AGO2: variants seen among roughly 807,000 people sequenced by gnomAD.
AGO2 encodes the protein protein argonaute-2.
Under a neutral mutation model 102.3 loss-of-function variants are expected in AGO2, and 5 were observed. The ratio of observed to expected loss-of-function variants is 0.05; its 90% confidence interval spans 0.03 to 0.10. The LOEUF is 0.10. Among genes scored for constraint, AGO2 ranks in the 10% least tolerant of loss-of-function variants. The pLI, the probability that AGO2 is intolerant of heterozygous loss-of-function variation, is 1.00. For missense variants in AGO2, 541 were observed against 1,183.7 expected (o/e 0.46, Z 7.97); for synonymous variants, 449 against 473.1 (o/e 0.95, Z 0.66).
chr8:140,631,591 G>C (rs2152111660), intron 1 of AGO2, among the ~76,000 whole-genome samples: 1 of 152,216 alleles, frequency 6.6e-6, no homozygotes, highest in Non-Finnish European at 1.5e-5. Flanking sequence ...CAAATGCAGG[G>C]AGAAGAGAGA....
At chr8:140,536,161 G>C (rs764157184) in intron 16 of AGO2, among the ~76,000 whole-genome samples, 1 of 152,150 alleles carries the variant, frequency 6.6e-6, no homozygotes, top group Non-Finnish European at 1.5e-5. Context: ...CACAAGCATG[G>C]ACCAAAAAGT....
intron 1 of AGO2, among the ~76,000 whole-genome samples, chr8:140,590,357 TG>T (rs1312398941): frequency 2.6e-5 from 4 of 152,196 alleles, no homozygotes; most frequent in Non-Finnish European, 5.9e-5. Context: ...CCTCGCACTT[TG>T]GGGGTCCCAG....
intron 1 of AGO2, among the ~76,000 whole-genome samples, chr8:140,611,693 A>G (rs1228421666): frequency 4.6e-5 from 7 of 151,764 alleles, no homozygotes; most frequent in Non-Finnish European, 8.8e-5. Flanking sequence ...ATACCCACAT[A>G]CCCCTAAGTG....
intron 2 of AGO2, 149 bp from the exon 3 acceptor site, chr8:140,573,081 C>T (rs1248122838): frequency 2.2e-6 from 2 of 905,710 alleles, no homozygotes; most frequent in African/African-American, 1.7e-5. Flanking sequence ...GTGATCTCAG[C>T]TCACTGCAAC....
chr8:140,624,198 T>A (rs1396845369), intron 1 of AGO2, among the ~76,000 whole-genome samples: 1 of 152,128 alleles, frequency 6.6e-6, no homozygotes, highest in Non-Finnish European at 1.5e-5. Context: ...AGGTCTCGAC[T>A]GGGTCACCCG....
In AGO2 at chr8:140,526,241, G is replaced by A. The variant is rs1480391274; in HGVS notation, c.*5803C>T. On this transcript the variant is annotated 3_prime_UTR_variant, in exon 19 of 19. Coordinates refer to ENST00000220592, the MANE Select transcript of AGO2 (RefSeq NM_012154.5). The surrounding 1 kb of genome is among the most constrained non-coding windows in gnomAD (Gnocchi z 5.2). ...GAGGCCATTTTCAACCCATTTGTAGGTAAAGCAGAAAAAAAAGTGCTTTCT... is the reference window on the plus strand; with the variant it reads ...GAGGCCATTTTCAACCCATTTGTAGATAAAGCAGAAAAAAAAGTGCTTTCT... 1.3e-5 allele frequency: 2 copies of A among 152,158 alleles called. No homozygotes were observed. The highest frequency in any genetic ancestry group is 2.9e-5 in the Non-Finnish European group (2 of 68,022). The allele number at this position is 152,158 out of a possible 1,614,324, so 9.4% of individuals were successfully genotyped here.
the AGO2 span, among the ~76,000 whole-genome samples, chr8:140,640,810 C>T: frequency 6.6e-6 from 1 of 152,144 alleles, no homozygotes; most frequent in Non-Finnish European, 1.5e-5. Flanking sequence ...TGAGCCACCA[C>T]GCCTGGCCCA....
At chr8:140,579,782 C>T (rs983910548) in intron 2 of AGO2, among the ~76,000 whole-genome samples, 3 of 152,208 alleles carry the variant, frequency 2.0e-5, no homozygotes, top group African/African-American at 7.2e-5. Flanking sequence ...CTGCAATACC[C>T]GCACCAGACT....
chr8:140,535,627 C>G, intron 16 of AGO2, 58 bp from the exon 17 acceptor site: 1 of 1,578,610 alleles, frequency 6.3e-7, no homozygotes, highest in Non-Finnish European at 8.7e-7. Context: ...GCCAAGCAGG[C>G]GGGCCAGGCA....
chr8:140,580,178 G>A (rs1269752638), intron 2 of AGO2, among the ~76,000 whole-genome samples: 1 of 152,266 alleles, frequency 6.6e-6, no homozygotes, highest in South Asian at 2.1e-4. Context: ...TGTACGGGAC[G>A]CTCCTGGGAG....
chr8:140,558,640 GA>G, intron 6 of AGO2, 68 bp from the exon 7 acceptor site: 1 of 1,520,180 alleles, frequency 6.6e-7, no homozygotes, highest in African/African-American at 1.4e-5. Flanking sequence ...CCACTTGCGA[GA>G]ATCAGTTTTC....
chr8:140,541,471 A>G, intron 14 of AGO2, 113 bp from the exon 15 acceptor site: 1 of 1,008,506 alleles, frequency 9.9e-7, no homozygotes, highest in South Asian at 1.8e-5. Context: ...CCTGGAACTC[A>G]TGTCACTGTC....
chr8:140,562,193 G>A lies in AGO2; in HGVS notation c.518+260C>T, dbSNP rs150327235. On this transcript the variant is annotated intron_variant, in intron 4 of 18. Coordinates refer to ENST00000220592, the MANE Select transcript of AGO2 (RefSeq NM_012154.5). Reference sequence around the variant, plus strand: ...AAGTGCTGGGTGCAGAGGGCTGCGCGGAACACGAAGGCACCAGCGTGCACA... The same window carrying A: ...AAGTGCTGGGTGCAGAGGGCTGCGCAGAACACGAAGGCACCAGCGTGCACA... 9.0e-3 allele frequency among the ~76,000 whole-genome samples: 1,364 copies of A among 152,348 alleles called. 8 individuals carry two copies. Among genetic ancestry groups the A allele is most frequent in the Middle Eastern group, 0.027 (8 of 294 alleles).
chr8:140,539,487 A>C lies in AGO2; in HGVS notation c.2035-33T>G. 6 of 1,593,462 alleles carry C rather than the reference A, an allele frequency of 3.8e-6. No individual in the cohort carries two copies. The highest frequency in any genetic ancestry group is 5.1e-6 in the Non-Finnish European group (6 of 1,168,540). ...TACGGGAGGGAGGAGGTTGTGCTTA[A>C]AGATGGTAGTGCATGTGAGCAACGG... On this transcript the variant is annotated intron_variant, in intron 15 of 18. Coordinates refer to ENST00000220592, the MANE Select transcript of AGO2 (RefSeq NM_012154.5). The surrounding 1 kb of genome is among the most constrained non-coding windows in gnomAD (Gnocchi z 4.7).
At chr8:140,542,189 T>C (rs1243417898) in intron 14 of AGO2, among the ~76,000 whole-genome samples, 1 of 152,118 alleles carries the variant, frequency 6.6e-6, no homozygotes, top group African/African-American at 2.4e-5. Flanking sequence ...GCCCAGCCCA[T>C]GGAGGGAACC....
In AGO2 at chr8:140,589,319, C is replaced by T. The variant is rs1476170555; in HGVS notation, c.23-4008G>A. Among the ~76,000 whole-genome samples, 1 of 152,144 alleles carries T rather than the reference C, an allele frequency of 6.6e-6. No homozygotes were observed. Among genetic ancestry groups the T allele is most frequent in the African/African-American group, 2.4e-5 (1 of 41,442 alleles). On this transcript the variant is annotated intron_variant, in intron 1 of 18. Coordinates refer to ENST00000220592, the MANE Select transcript of AGO2 (RefSeq NM_012154.5). The surrounding 1 kb of genome is among the most constrained non-coding windows in gnomAD (Gnocchi z 4.2). ...CAGAGTCATTAAATAAATGAATAGC[C>T]CAGCTCTTCCGTGAAGCCGCTTTGG...
chr8:140,620,841 T>A (rs940749421), intron 1 of AGO2, among the ~76,000 whole-genome samples: 1 of 152,006 alleles, frequency 6.6e-6, no homozygotes, highest in Non-Finnish European at 1.5e-5. Flanking sequence ...GTTGTCAGAG[T>A]AAGACCCTGT....
At chr8:140,606,475 G>A (rs1019629200) in intron 1 of AGO2, among the ~76,000 whole-genome samples, 7 of 152,078 alleles carry the variant, frequency 4.6e-5, no homozygotes, top group African/African-American at 1.4e-4. Context: ...GCTTAAAAAC[G>A]CAGTTTCCAA....
rs762710960 is a variant in AGO2, at chr8:140,559,540, GAA to G, written c.656-13_656-12del. On this transcript the variant is annotated splice_polypyrimidine_tract_variant and intron_variant, in intron 5 of 18. Coordinates refer to ENST00000220592, the MANE Select transcript of AGO2 (RefSeq NM_012154.5). ...ACGCTGTTGCTGACACTGTAGGCGA[GAA>G]AAGAGGCAAAGGCCTAAGCATGACT... is the stretch of plus-strand genomic sequence containing the variant. 6.2e-7 allele frequency: 1 copy of G among 1,613,374 alleles called. No individual in the cohort carries two copies. The highest frequency in any genetic ancestry group is 1.1e-5 in the South Asian group (1 of 91,058).
Sources: gnomAD v4.1 joint callset for allele counts (sites outside exome capture counted in the v4.1 genomes callset) on GRCh38, gnomAD v4.1.1 for gene constraint, Gnocchi (gnomAD v3.1) non-coding constraint, MANE v1.5 for transcripts, NCBI Gene and HGNC (gene_info 2026-07-23, HGNC 2026-07-21) for gene names.